AP3B1: variants seen among roughly 807,000 people sequenced by gnomAD.
AP3B1 encodes the protein AP-3 complex subunit beta-1.
Under a neutral mutation model 132.5 loss-of-function variants are expected in AP3B1, and 61 were observed. The observed-to-expected ratio is 0.46, with a 90% CI of 0.37 to 0.57. The LOEUF is 0.57. AP3B1 is among the 20% of genes least tolerant of loss of function. AP3B1 has a pLI of 0.00. For synonymous variants in AP3B1, 388 were observed against 438.3 expected, an observed-to-expected ratio of 0.89 and a Z score of 1.43; for missense variants, 1,120 against 1,289.4, an observed-to-expected ratio of 0.87 and a Z score of 2.01.
intron 22 of AP3B1, among the ~76,000 whole-genome samples, chr5:78,083,107 G>A (rs1240889777): frequency 2.6e-5 from 4 of 152,096 alleles, no homozygotes; most frequent in Non-Finnish European, 5.9e-5. Flanking sequence ...GTGAGCCACC[G>A]CGCCCGGCCA....
At chr5:78,049,900 AC>A (rs1385108033) in intron 22 of AP3B1, among the ~76,000 whole-genome samples, 1 of 152,136 alleles carries the variant, frequency 6.6e-6, no homozygotes, top group African/African-American at 2.4e-5. Context: ...CTGCACATGT[AC>A]CCCTGAACCT....
intron 3 of AP3B1, among the ~76,000 whole-genome samples, chr5:78,238,047 G>A (rs529831608): frequency 4.6e-5 from 7 of 152,286 alleles, no homozygotes; most frequent in Admixed American, 4.6e-4. Context: ...TTGGAACCAG[G>A]CCACACAGCA....
intron 15 of AP3B1, 63 bp from the exon 16 acceptor site, chr5:78,129,370 T>TA: frequency 1.5e-6 from 2 of 1,304,338 alleles, no homozygotes; most frequent in Non-Finnish European, 2.2e-6. Flanking sequence ...TAACTCTGGA[T>TA]AAACATATTT....
chr5:78,162,388 T>C (rs1311331390), intron 13 of AP3B1, among the ~76,000 whole-genome samples: 1 of 152,168 alleles, frequency 6.6e-6, no homozygotes, highest in Non-Finnish European at 1.5e-5. Context: ...AAAAAGAATG[T>C]TGAAGGTATA....
chr5:78,157,619 T>C (rs1363935779), intron 13 of AP3B1, among the ~76,000 whole-genome samples: 1 of 152,202 alleles, frequency 6.6e-6, no homozygotes, highest in Non-Finnish European at 1.5e-5. Context: ...GCCAAAGAAA[T>C]AAATCAACAT....
At chr5:78,229,538 GC>G (rs1453315136) in intron 3 of AP3B1, among the ~76,000 whole-genome samples, 8 of 145,564 alleles carry the variant, frequency 5.5e-5, no homozygotes, top group African/African-American at 1.5e-4. Flanking sequence ...TTCAGGACCA[GC>G]CTGGGCAACA....
intron 21 of AP3B1, among the ~76,000 whole-genome samples, chr5:78,096,013 C>T (rs1429435783): frequency 2.0e-5 from 3 of 151,996 alleles, no homozygotes; most frequent in African/African-American, 7.3e-5. Flanking sequence ...TGTCCCTGTC[C>T]CTCTCCCTTT....
In AP3B1 at chr5:78,067,382, A is replaced by G. The variant is rs1456468638; in HGVS notation, c.2577+22011T>C. ...TCATCGAGACACAAAATTTAAGAAG[A>G]TAATTCAGAACTTGAACTCAGCTCC... On this transcript the variant is annotated intron_variant, in intron 22 of 26. Coordinates refer to ENST00000255194, the MANE Select transcript of AP3B1 (RefSeq NM_003664.5). Among the ~76,000 whole-genome samples the G allele has an allele frequency of 5.3e-5, 8 of 152,336 alleles. No individual in the cohort carries two copies. The East Asian group carries it at 9.6e-4, about 18-fold the overall frequency.
chr5:78,058,104 T>C (rs1460144534), intron 22 of AP3B1, among the ~76,000 whole-genome samples: 2 of 152,204 alleles, frequency 1.3e-5, no homozygotes, highest in African/African-American at 4.8e-5. Flanking sequence ...TAATTATATT[T>C]GATGGTAAAT....
intron 22 of AP3B1, among the ~76,000 whole-genome samples, chr5:78,046,271 A>G (rs1387370030): frequency 6.6e-6 from 1 of 152,218 alleles, no homozygotes; most frequent in Non-Finnish European, 1.5e-5. Context: ...CCGTCAGATC[A>G]GCAGTGGCAT....
At chr5:78,118,673 A>C (rs900685457) in intron 17 of AP3B1, among the ~76,000 whole-genome samples, 1 of 152,254 alleles carries the variant, frequency 6.6e-6, no homozygotes, top group Non-Finnish European at 1.5e-5. Context: ...CAAAGCAGCC[A>C]GGAAGCTCGA....
intron 10 of AP3B1, 34 bp downstream of exon 10, chr5:78,175,750 T>C (rs368209989): frequency 1.1e-4 from 171 of 1,609,048 alleles, no homozygotes; most frequent in Non-Finnish European, 1.4e-4. Context: ...TGTGTTCATG[T>C]GTCTCTTAAA....
At chr5:78,090,954 T>A (rs1490728976) in intron 21 of AP3B1, among the ~76,000 whole-genome samples, 1 of 151,872 alleles carries the variant, frequency 6.6e-6, no homozygotes, top group Non-Finnish European at 1.5e-5. Context: ...TTTTATTTTT[T>A]ATTTTATTTT....
chr5:78,058,096 A>G (rs1169342343), intron 22 of AP3B1, among the ~76,000 whole-genome samples: 3 of 152,176 alleles, frequency 2.0e-5, no homozygotes, highest in African/African-American at 7.2e-5. Flanking sequence ...TGTGCCTGTA[A>G]TTATATTTGA....
At chr5:78,156,782 C>T (rs754805997) in intron 13 of AP3B1, among the ~76,000 whole-genome samples, 1 of 151,922 alleles carries the variant, frequency 6.6e-6, no homozygotes, top group African/African-American at 2.4e-5. Context: ...CCCTATTCTG[C>T]AGAAAACAGC....
chr5:78,111,747 G>A (rs929464662), intron 19 of AP3B1, among the ~76,000 whole-genome samples: 1 of 152,174 alleles, frequency 6.6e-6, no homozygotes, highest in Non-Finnish European at 1.5e-5. Context: ...CCACATGTGT[G>A]TGTATTTTTT....
At chr5:78,222,619 ACT>A (rs1369108617) in intron 6 of AP3B1, 2 of 151,820 alleles carry the variant, frequency 1.3e-5, no homozygotes, top group East Asian at 3.9e-4. Context: ...AAAAGTAAAG[ACT>A]CTTTGTCATG....
chr5:78,291,189 AC>A (rs1428609304), intron 1 of AP3B1, among the ~76,000 whole-genome samples: 1 of 152,146 alleles, frequency 6.6e-6, no homozygotes, highest in African/African-American at 2.4e-5. Context: ...ACTAGGAAGT[AC>A]CTAGGCATCA....
chr5:78,143,857 T>C (rs1310174264), intron 14 of AP3B1, among the ~76,000 whole-genome samples: 1 of 152,120 alleles, frequency 6.6e-6, no homozygotes, highest in East Asian at 1.9e-4. Context: ...CTACTAAATA[T>C]ACAAAATTAG....
Sources: gnomAD v4.1 joint callset for allele counts (sites outside exome capture counted in the v4.1 genomes callset) on GRCh38, gnomAD v4.1.1 for gene constraint, MANE v1.5 for transcripts, NCBI Gene and HGNC (gene_info 2026-07-23, HGNC 2026-07-21) for gene names.